Variants in RPS6KC1 observed in about 807,000 individuals in gnomAD.
The protein encoded by RPS6KC1 is ribosomal protein S6 kinase C1, also known as inactive ribosomal protein S6 kinase delta-1.
In RPS6KC1, 54 loss-of-function variants were observed where a neutral mutation model predicts 103.8. That is an observed-to-expected ratio of 0.52 (90% CI 0.42 to 0.65). The LOEUF is 0.65. Among genes scored for constraint, RPS6KC1 ranks in the 30% least tolerant of loss-of-function variants. RPS6KC1 has a pLI of 0.00. For missense variants in RPS6KC1, 1,151 were observed against 1,253.8 expected, an observed-to-expected ratio of 0.92 and a Z score of 1.24; for synonymous variants, 439 against 438.7, an observed-to-expected ratio of 1.00 and a Z score of -0.01.
At chr1:213,573,483 G>T in the RPS6KC1 span, among the ~76,000 whole-genome samples, 8 of 152,310 alleles carry the variant, frequency 5.3e-5, no homozygotes, top group South Asian at 4.1e-4. Context: ...GTGTATTCAT[G>T]TTATAAGTCA....
chr1:213,423,383 T>C, the RPS6KC1 span, among the ~76,000 whole-genome samples: 1 of 152,132 alleles, frequency 6.6e-6, no homozygotes, highest in East Asian at 1.9e-4. Context: ...GGCAACTCCC[T>C]CCTCTCATCC....
At chr1:213,813,858 C>G in the RPS6KC1 span, among the ~76,000 whole-genome samples, 6 of 152,182 alleles carry the variant, frequency 3.9e-5, no homozygotes, top group Admixed American at 2.6e-4. Context: ...TGGTTTCCTA[C>G]TCTTCTCATA....
the RPS6KC1 span, among the ~76,000 whole-genome samples, chr1:213,305,011 T>C: frequency 6.6e-6 from 1 of 152,188 alleles, no homozygotes; most frequent in African/African-American, 2.4e-5. Context: ...CTGAGACCAT[T>C]TTCAATTTTT....
At chr1:213,299,292 G>A in the RPS6KC1 span, among the ~76,000 whole-genome samples, 6 of 152,342 alleles carry the variant, frequency 3.9e-5, no homozygotes, top group East Asian at 5.8e-4. Flanking sequence ...GCTCACGCCT[G>A]TAATCCTAGC....
At chr1:213,391,145 G>A in the RPS6KC1 span, among the ~76,000 whole-genome samples, 2 of 152,110 alleles carry the variant, frequency 1.3e-5, no homozygotes, top group African/African-American at 4.8e-5. Flanking sequence ...CAGTCTAGGA[G>A]TAACAGAGGG....
At chr1:213,475,714 T>C in the RPS6KC1 span, among the ~76,000 whole-genome samples, 1 of 152,178 alleles carries the variant, frequency 6.6e-6, no homozygotes, top group South Asian at 2.1e-4. Flanking sequence ...ACTAGATGAC[T>C]GCCAAGTCTT....
intron 13 of RPS6KC1, 62 bp downstream of exon 13, chr1:213,261,702 A>G: frequency 7.2e-7 from 1 of 1,387,272 alleles, no homozygotes; most frequent in Admixed American, 1.7e-5. Context: ...TCAAATTAAG[A>G]ACATTAGCCT....
the RPS6KC1 span, among the ~76,000 whole-genome samples, chr1:213,689,413 G>A: frequency 6.6e-6 from 1 of 152,204 alleles, no homozygotes; most frequent in Admixed American, 6.5e-5. Flanking sequence ...GGCTGAAAGG[G>A]CGTGAATAAT....
the RPS6KC1 span, among the ~76,000 whole-genome samples, chr1:213,714,871 C>T: frequency 1.3e-5 from 2 of 152,310 alleles, no homozygotes; most frequent in South Asian, 4.1e-4. Flanking sequence ...CCAATCAACC[C>T]TCACAATTAG....
chr1:213,067,197 A>G (rs1039543033), intron 1 of RPS6KC1, among the ~76,000 whole-genome samples: 2 of 152,186 alleles, frequency 1.3e-5, no homozygotes, highest in African/African-American at 4.8e-5. Flanking sequence ...CCTTGGGCAC[A>G]TGTTGTCAGG....
chr1:213,694,883 A>G, the RPS6KC1 span, among the ~76,000 whole-genome samples: 1 of 152,202 alleles, frequency 6.6e-6, no homozygotes. Flanking sequence ...GATGGCAGGA[A>G]AACCAGGTAG....
chr1:213,153,712 T>C (rs1230619380), intron 6 of RPS6KC1, among the ~76,000 whole-genome samples: 1 of 152,246 alleles, frequency 6.6e-6, no homozygotes, highest in Non-Finnish European at 1.5e-5. Flanking sequence ...ATTAATGTCC[T>C]TTTCTTTCTG....
At chr1:213,431,598 G>A in the RPS6KC1 span, among the ~76,000 whole-genome samples, 5 of 151,706 alleles carry the variant, frequency 3.3e-5, no homozygotes, top group African/African-American at 9.7e-5. Context: ...CGTTTTTAGC[G>A]TATGGCAGTT....
chr1:213,468,550 TAGAG>T, the RPS6KC1 span, among the ~76,000 whole-genome samples: 693 of 152,224 alleles, frequency 4.6e-3, 5 homozygotes, highest in African/African-American at 0.015. Context: ...TTTCCTGAAA[TAGAG>T]AGAGAGACTT....
intron 12 of RPS6KC1, among the ~76,000 whole-genome samples, chr1:213,248,993 T>G (rs1218336868): frequency 6.6e-6 from 1 of 152,222 alleles, no homozygotes; most frequent in Non-Finnish European, 1.5e-5. Context: ...AGCTTTAGAT[T>G]ATTAAAAATA....
At chr1:213,683,303 T>C in the RPS6KC1 span, among the ~76,000 whole-genome samples, 2 of 152,196 alleles carry the variant, frequency 1.3e-5, no homozygotes, top group Admixed American at 6.5e-5. Flanking sequence ...ATTTTTTGAA[T>C]GGGCATGCCT....
intron 7 of RPS6KC1, among the ~76,000 whole-genome samples, chr1:213,169,294 T>C (rs537262632): frequency 6.6e-6 from 1 of 152,342 alleles, no homozygotes; most frequent in African/African-American, 2.4e-5. Flanking sequence ...TTCTGAGAAT[T>C]TCTGATGTTA....
the RPS6KC1 span, among the ~76,000 whole-genome samples, chr1:213,519,045 T>C: frequency 6.6e-6 from 1 of 152,202 alleles, no homozygotes; most frequent in East Asian, 1.9e-4. Flanking sequence ...ACAACTACAT[T>C]CTCAGCAGAT....
Position 213,240,877 on chromosome 1 carries a change from T to C in RPS6KC1, c.1401T>C (p.Leu467=). 3.1e-6 allele frequency: 5 copies of C among 1,613,942 alleles called. No individual in the cohort carries two copies. Among genetic ancestry groups the C allele is most frequent in the Non-Finnish European group, 4.2e-6 (5 of 1,179,914 alleles). Residue 467 remains leucine, a synonymous_variant, in exon 11 of 15, where the codon CTT becomes CTC. Coordinates refer to ENST00000366960, the MANE Select transcript of RPS6KC1 (RefSeq NM_012424.6). ...GAGGAAGTGATGGTGGAAGCATGCT[T>C]AAAGCTCTGCCTTTGAAGAGTAGTC... ...ESRGSDGGSM[L]KALPLKSSLT... is the part of the protein sequence containing the mutation.
Sources: gnomAD v4.1 joint callset for allele counts (sites outside exome capture counted in the v4.1 genomes callset) on GRCh38, gnomAD v4.1.1 for gene constraint, MANE v1.5 for transcripts, NCBI Gene and HGNC (gene_info 2026-07-23, HGNC 2026-07-21) for gene names.